Variants in A1CF observed in about 807,000 individuals in gnomAD.
The protein encoded by A1CF is APOBEC-1 stimulating protein.
Under a neutral mutation model 68.9 loss-of-function variants are expected in A1CF, and 48 were observed. That is an observed-to-expected ratio of 0.70 (90% CI 0.55 to 0.89). A1CF has a LOEUF of 0.89. Ranked by LOEUF, A1CF falls within the 40% of genes least tolerant of loss-of-function variation. A1CF has a pLI of 0.00. For missense variants in A1CF, 653 were observed against 718.9 expected (o/e 0.91, Z 1.05); for synonymous variants, 272 against 260.4 (o/e 1.04, Z -0.43).
chr10:50,815,484 A>G (rs550280645), intron 9 of A1CF, among the ~76,000 whole-genome samples: 2 of 152,278 alleles, frequency 1.3e-5, no homozygotes, highest in African/African-American at 4.8e-5. Flanking sequence ...TATTTCCTGG[A>G]GGAGGTCAGA....
intron 3 of A1CF, among the ~76,000 whole-genome samples, chr10:50,853,616 G>A (rs1323017919): frequency 6.6e-6 from 1 of 152,102 alleles, no homozygotes; most frequent in Non-Finnish European, 1.5e-5. Flanking sequence ...GAGGTGGTGT[G>A]AATGGGCAGC....
At chr10:50,865,380 A>T (rs537800148) in intron 1 of A1CF, among the ~76,000 whole-genome samples, 1 of 152,190 alleles carries the variant, frequency 6.6e-6, no homozygotes, top group Non-Finnish European at 1.5e-5. Context: ...ATTCAATATT[A>T]ATATTGGGAG....
In A1CF at chr10:50,811,044, C is replaced by T. The variant is rs1351144344; in HGVS notation, c.1456G>A (p.Ala486Thr). ...GAATTTGGAGAAGTTACGCACATTG[C>T]AGGATTCTGGCTGGCTAGAGCAGGA... ...TIPALASQNP[A>T]IHPFTPPKLS... The change falls in exon 11 of 13, where the codon GCA (alanine) becomes ACA (threonine). Residue 486 changes from alanine to threonine, a missense_variant. Transcript: ENST00000373997. 3.1e-6 allele frequency: 5 copies of T among 1,611,746 alleles called. No individual in the cohort carries two copies. Among genetic ancestry groups the T allele is most frequent in the Non-Finnish European group, 8.5e-7 (1 of 1,178,796 alleles).
At chr10:50,877,275 A>G (rs540525615) in intron 1 of A1CF, among the ~76,000 whole-genome samples, 12 of 152,166 alleles carry the variant, frequency 7.9e-5, no homozygotes, top group Non-Finnish European at 1.8e-4. Context: ...TGCGTGGTAT[A>G]TTATAGAGAC....
At chr10:50,868,432 A>G (rs1322946920) in intron 1 of A1CF, among the ~76,000 whole-genome samples, 1 of 152,196 alleles carries the variant, frequency 6.6e-6, no homozygotes, top group Non-Finnish European at 1.5e-5. Flanking sequence ...TTGGTCATGG[A>G]TCATGAGCCA....
At position 50,806,524 on chromosome 10, in the gene A1CF, A is replaced by T; in HGVS notation, c.*205T>A. ...TGGCTCTCCAGCTTTCTGTTAAACA[A>T]AAGGCTCTTTAACATTTGATTTCAT... is the stretch of plus-strand genomic sequence containing the variant. On this transcript the variant is annotated 3_prime_UTR_variant, in exon 13 of 13. Transcript: ENST00000373997. 1 of 391,582 alleles carries T rather than the reference A, an allele frequency of 2.6e-6. No homozygotes were observed. The allele number at this position is 391,582 out of a possible 1,614,324, so 24.3% of individuals were successfully genotyped here.
chr10:50,847,190 G>T (rs1840040496), intron 3 of A1CF, among the ~76,000 whole-genome samples: 1 of 152,144 alleles, frequency 6.6e-6, no homozygotes, highest in African/African-American at 2.4e-5. Flanking sequence ...AAAGAATATA[G>T]ATTTTTGTTT....
At chr10:50,845,524 C>T (rs1232350979) in intron 3 of A1CF, among the ~76,000 whole-genome samples, 1 of 152,122 alleles carries the variant, frequency 6.6e-6, no homozygotes, top group East Asian at 1.9e-4. Flanking sequence ...AATTAATTTG[C>T]CAAGGTCACA....
intron 1 of A1CF, among the ~76,000 whole-genome samples, chr10:50,879,423 G>A (rs1841671753): frequency 6.6e-6 from 1 of 152,048 alleles, no homozygotes; most frequent in African/African-American, 2.4e-5. Flanking sequence ...CTATGTTCAT[G>A]GTGCCTGTAT....
At chr10:50,837,842 A>T (rs989468130) in intron 5 of A1CF, among the ~76,000 whole-genome samples, 1 of 152,162 alleles carries the variant, frequency 6.6e-6, no homozygotes, top group Admixed American at 6.5e-5. Flanking sequence ...ATATTGGTTT[A>T]AAAAAACAGT....
intron 1 of A1CF, among the ~76,000 whole-genome samples, chr10:50,875,764 A>T (rs1476865909): frequency 6.6e-6 from 1 of 152,164 alleles, no homozygotes; most frequent in Non-Finnish European, 1.5e-5. Flanking sequence ...AAGAAATGTC[A>T]CTGCTTACTA....
chr10:50,828,000 C>CT, intron 7 of A1CF, 131 bp downstream of exon 7: 1 of 550,334 alleles, frequency 1.8e-6, no homozygotes, highest in East Asian at 3.1e-5. Context: ...TCAGAGAATA[C>CT]TATAAACACC....
At chr10:50,837,880 G>C (rs142435237) in intron 5 of A1CF, among the ~76,000 whole-genome samples, 5 of 152,258 alleles carry the variant, frequency 3.3e-5, no homozygotes, top group Admixed American at 6.5e-5. Context: ...GCTTTAAAAG[G>C]CTATAAAATA....
chr10:50,811,000 C>T, intron 11 of A1CF, 40 bp downstream of exon 11: 1 of 1,588,402 alleles, frequency 6.3e-7, no homozygotes, highest in Non-Finnish European at 8.6e-7. Context: ...ATAAGTGTAT[C>T]CTGCTCTAAA....
rs375285515 is a variant in A1CF, at chr10:50,836,305, G to T, written c.373C>A (p.Arg125Ser). The T allele has an allele frequency of 5.6e-6, 9 of 1,609,266 alleles. No individual in the cohort carries two copies. The highest frequency in any genetic ancestry group is 7.6e-6 in the Non-Finnish European group (9 of 1,178,542). ...QLNNYEIRNGRLLGVCASVDN... is the reference protein window; with the variant it reads ...QLNNYEIRNGSLLGVCASVDN... ...ACACTGGCACAAACCCCTAAGAGGC[G>T]CCCATTTCTGCAAAAAGAGCAGGGA... The change falls in exon 6 of 13, where the codon CGC (arginine) becomes AGC (serine). Residue 125 changes from arginine (R) to serine (S), a missense_variant. Transcript: ENST00000373997.
At chr10:50,809,724 CT>C (rs1198104793) in intron 12 of A1CF, among the ~76,000 whole-genome samples, 169 bp downstream of exon 12, 1 of 152,316 alleles carries the variant, frequency 6.6e-6, no homozygotes, top group East Asian at 1.9e-4. Context: ...ATTTTCTTGC[CT>C]CGTGTTTTAA....
At chr10:50,855,042 T>C (rs1564523721) in intron 3 of A1CF, among the ~76,000 whole-genome samples, 1 of 151,930 alleles carries the variant, frequency 6.6e-6, no homozygotes, top group Non-Finnish European at 1.5e-5. Flanking sequence ...TTAGTTGCAA[T>C]AGAATTAAAC....
chr10:50,854,157 T>C (rs1840374961), intron 3 of A1CF, among the ~76,000 whole-genome samples: 1 of 151,954 alleles, frequency 6.6e-6, no homozygotes, highest in South Asian at 2.1e-4. Flanking sequence ...ATAAAAACGA[T>C]CTGCATTTAT....
At chr10:50,849,786 C>CTTTTT (rs71949925) in intron 3 of A1CF, among the ~76,000 whole-genome samples, 150 of 83,660 alleles carry the variant, frequency 1.8e-3, no homozygotes, top group Admixed American at 2.1e-3. Flanking sequence ...TTAATGAATT[C>CTTTTT]TTTTTTTTTT....
Sources: gnomAD v4.1 joint callset for allele counts (sites outside exome capture counted in the v4.1 genomes callset) on GRCh38, gnomAD v4.1.1 for gene constraint, MANE v1.5 for transcripts, NCBI Gene and HGNC (gene_info 2026-07-23, HGNC 2026-07-21) for gene names.